Variants in ZPR1 observed in about 807,000 individuals in gnomAD.
ZPR1 encodes zinc finger protein ZPR1.
In ZPR1, 37 loss-of-function variants were observed where a neutral mutation model predicts 59.6. That is an observed-to-expected ratio of 0.62 (90% CI 0.48 to 0.82). ZPR1 has a LOEUF of 0.82. ZPR1 is among the 40% of genes least tolerant of loss of function. ZPR1 has a pLI of 0.00. For synonymous variants in ZPR1, 191 were observed against 215.2 expected, an observed-to-expected ratio of 0.89 and a Z score of 0.99; for missense variants, 527 against 579.9, an observed-to-expected ratio of 0.91 and a Z score of 0.94.
chr11:116,785,762 T>TAATC, intron 5 of ZPR1, 34 bp downstream of exon 5: 1 of 1,612,676 alleles, frequency 6.2e-7, no homozygotes. Context: ...CCTCCTCCCC[T>TAATC]AATCAAGGGC....
intron 13 of ZPR1, among the ~76,000 whole-genome samples, chr11:116,779,547 A>G (rs1385135686): frequency 6.6e-6 from 1 of 152,092 alleles, no homozygotes. Context: ...CAGAAAAAAA[A>G]GGGGCCTCAG....
chr11:116,784,510 C>A (rs1468330957), intron 8 of ZPR1, 62 bp from the exon 9 acceptor site: 1 of 1,470,556 alleles, frequency 6.8e-7, no homozygotes, highest in Non-Finnish European at 9.5e-7. Flanking sequence ...TGGGGAAAAA[C>A]AAAGCCAAAC....
At chr11:116,787,148 G>A in intron 2 of ZPR1, 89 bp from the exon 3 acceptor site, 2 of 1,188,168 alleles carry the variant, frequency 1.7e-6, no homozygotes, top group South Asian at 1.2e-5. Context: ...CCATCAGACC[G>A]CAGCCCAGCT....
At position 116,774,648 on chromosome 11, in the gene ZPR1, G is replaced by A. The variant is rs1239256047; in HGVS notation, c.*4277C>T. ...TTGAGGGGGTTGCAGCACAGGCCCA[G>A]AAAGGAAAGCAGGCTGGGGCTCTGA... On this transcript the variant is annotated 3_prime_UTR_variant, in exon 14 of 14. Transcript: ENST00000227322. 6.6e-6 allele frequency: 1 copy of A among 152,300 alleles called. No individual in the cohort carries two copies. The highest frequency in any genetic ancestry group is 1.5e-5 in the Non-Finnish European group (1 of 68,114). The allele number at this position is 152,300 out of a possible 1,614,324, so 9.4% of individuals were successfully genotyped here.
Position 116,785,805 on chromosome 11 carries a change from A to C in ZPR1, c.573T>G (p.Pro191=), listed in dbSNP as rs1940878056. 1 of 1,614,090 alleles carries C rather than the reference A, an allele frequency of 6.2e-7. No individual in the cohort carries two copies. The highest frequency in any genetic ancestry group is 8.5e-7 in the Non-Finnish European group (1 of 1,179,918). Residue 191 remains proline (P), a synonymous_variant, in exon 5 of 14, where the codon CCT becomes CCG. Coordinates refer to ENST00000227322, the MANE Select transcript of ZPR1 (RefSeq NM_003904.5). ...KLKELKQVAS[P]FTLIIDDPSG... Reference sequence around the variant, plus strand: ...GCCTCTCAATACTCACCAGAGTGAAAGGGGAGGCTACTTGCTTTAGCTCCT... The same window carrying C: ...GCCTCTCAATACTCACCAGAGTGAACGGGGAGGCTACTTGCTTTAGCTCCT...
chr11:116,782,092 A>AGCAT (rs1282321501), intron 12 of ZPR1, 66 bp downstream of exon 12: 31 of 1,211,692 alleles, frequency 2.6e-5, no homozygotes, highest in Middle Eastern at 1.9e-4. Context: ...GCAAGACATG[A>AGCAT]GCATGCAGCC....
chr11:116,779,004 G>C lies in ZPR1; in HGVS notation c.1301C>G (p.Thr434Ser). The change falls in exon 14 of 14, where the codon ACC becomes AGC. Residue 434 changes from threonine to serine, a missense_variant. Physicochemically the swap from Thr to Ser is moderately conservative, Grantham distance 58. Transcript: ENST00000227322. ...CCCTAGCTCCTCATTTTGGTCAAAG[G>C]TGCGCTTGTAACGCTCCACCTTCAT... ...PEMKVERYKR[T>S]FDQNEELGLN... 1 of 1,614,134 alleles carries C rather than the reference G, an allele frequency of 6.2e-7. No individual in the cohort carries two copies. Among genetic ancestry groups the C allele is most frequent in the South Asian group, 1.1e-5 (1 of 91,090 alleles).
At position 116,777,501 on chromosome 11, in the gene ZPR1, A is replaced by T. The variant is rs773212639; in HGVS notation, c.*1424T>A. On this transcript the variant is annotated 3_prime_UTR_variant, in exon 14 of 14. Transcript: ENST00000227322. ...CACGGTGAAACCCCGTCTCTACTAA[A>T]ATACAAAAGAAATTAGCTGGGTGTG... 1.3e-5 allele frequency: 2 copies of T among 152,206 alleles called. No homozygotes were observed. Among genetic ancestry groups the T allele is most frequent in the Non-Finnish European group, 2.9e-5 (2 of 68,076 alleles). 9.4% of individuals were successfully genotyped at this position (152,206 alleles called of 1,614,324 possible).
At position 116,775,184 on chromosome 11, in the gene ZPR1, G is replaced by C. The variant is rs943155365; in HGVS notation, c.*3741C>G. 1.3e-5 allele frequency: 2 copies of C among 152,350 alleles called. No individual in the cohort carries two copies. The highest frequency in any genetic ancestry group is 4.8e-5 in the African/African-American group (2 of 41,456). The allele number at this position is 152,350 out of a possible 1,614,324, so 9.4% of individuals were successfully genotyped here. A position where few individuals can be genotyped will look rare whatever the true frequency, so the allele number is the denominator to read the frequency against. ...CTCTTAGAAGCTCTACTTCTGGCCA[G>C]GCACGGTGGCTCACGCCTGTAATCC... On this transcript the variant is annotated 3_prime_UTR_variant, in exon 14 of 14. Coordinates refer to ENST00000227322, the MANE Select transcript of ZPR1 (RefSeq NM_003904.5).
rs973668399 is a variant in ZPR1 at position 116,778,565 on chromosome 11, G to A, written c.*360C>T. Reference sequence around the variant, plus strand: ...ACTCAAAACCAACAACAAACTCCAGGTGTAACTTTATTCCACCTTCTCCAA... The same window carrying A: ...ACTCAAAACCAACAACAAACTCCAGATGTAACTTTATTCCACCTTCTCCAA... On this transcript the variant is annotated 3_prime_UTR_variant, in exon 14 of 14. Transcript: ENST00000227322. 1.4e-5 allele frequency: 3 copies of A among 215,768 alleles called. No individual in the cohort carries two copies. Among genetic ancestry groups the A allele is most frequent in the Admixed American group, 5.3e-5 (1 of 19,036 alleles). 13.4% of individuals were successfully genotyped at this position (215,768 alleles called of 1,614,324 possible). A position where few individuals can be genotyped will look rare whatever the true frequency, so the allele number is the denominator to read the frequency against.
chr11:116,779,832 G>A lies in ZPR1; in HGVS notation c.1185C>T (p.Ile395=), dbSNP rs150041054. ...TAAAGTGGGCCTTCATGTTACCTTC[G>A]ATGATCTAAAGGAGAGAGAGAACAC... The part of the protein sequence containing the change: ...QEFSQKMDQI[I]EGNMKAHFIM... Residue 395 remains isoleucine, a synonymous_variant, in exon 13 of 14, where the codon ATC becomes ATT. Transcript: ENST00000227322. The A allele has an allele frequency of 7.6e-5, 114 of 1,508,500 alleles. No individual in the cohort carries two copies. Among genetic ancestry groups the A allele is most frequent in the Non-Finnish European group, 8.6e-5 (96 of 1,115,580 alleles). The allele number at this position is 1,508,500 out of a possible 1,614,324, so 93.4% of individuals were successfully genotyped here.
At chr11:116,786,690 TC>T in intron 3 of ZPR1, 109 bp from the exon 4 acceptor site, 1 of 971,888 alleles carries the variant, frequency 1.0e-6, no homozygotes, top group Non-Finnish European at 1.6e-6. Flanking sequence ...AATTTCCTCA[TC>T]TGTAAAATGA....
chr11:116,786,120 A>G (rs1940883923), intron 4 of ZPR1, among the ~76,000 whole-genome samples: 1 of 152,232 alleles, frequency 6.6e-6, no homozygotes, highest in Non-Finnish European at 1.5e-5. Flanking sequence ...ATGCCACGTT[A>G]GAGATATAAT....
rs755239134 is a variant in ZPR1 at position 116,778,983 on chromosome 11, A to G, written c.1322T>C (p.Leu441Pro). Residue 441 changes from leucine to proline, a missense_variant, in exon 14 of 14, where the codon CTA (leucine) becomes CCA (proline). Physicochemically the swap from Leu to Pro is moderately conservative, Grantham distance 98. Coordinates refer to ENST00000227322, the MANE Select transcript of ZPR1 (RefSeq NM_003904.5). Reference sequence around the variant, plus strand: ...CTCTGTCTTCATGTCATTGAGCCCTAGCTCCTCATTTTGGTCAAAGGTGCG... The same window carrying G: ...CTCTGTCTTCATGTCATTGAGCCCTGGCTCCTCATTTTGGTCAAAGGTGCG... ...YKRTFDQNEE[L>P]GLNDMKTEGY... 5 of 1,614,064 alleles carry G rather than the reference A, an allele frequency of 3.1e-6. No homozygotes were observed. Among genetic ancestry groups the G allele is most frequent in the Non-Finnish European group, 2.5e-6 (3 of 1,180,046 alleles).
Position 116,784,244 on chromosome 11 carries a change from C to A in ZPR1, c.891+134G>T. ...ATTCCTTCAAGGGCTCATCACCCTG[C>A]ACTAGACCTAAGAAAAAGACCCAAG... On this transcript the variant is annotated intron_variant, in intron 9 of 13. Coordinates refer to ENST00000227322, the MANE Select transcript of ZPR1 (RefSeq NM_003904.5). 7.4e-6 allele frequency: 6 copies of A among 811,416 alleles called. No individual in the cohort carries two copies. In the South Asian group the frequency reaches 7.6e-5, roughly 10 times the overall value. 50.3% of individuals were successfully genotyped at this position (811,416 alleles called of 1,614,324 possible). A position where few individuals can be genotyped will look rare whatever the true frequency, so the allele number is the denominator to read the frequency against.
At chr11:116,782,572 G>T (rs1940824083) in intron 11 of ZPR1, among the ~76,000 whole-genome samples, 5 of 152,186 alleles carry the variant, frequency 3.3e-5, no homozygotes, top group Admixed American at 2.0e-4. Context: ...ATTCATCAAG[G>T]AGATAAACAT....
intron 2 of ZPR1, 166 bp downstream of exon 2, chr11:116,787,316 T>C: frequency 1.3e-6 from 1 of 744,234 alleles, no homozygotes; most frequent in Non-Finnish European, 2.2e-6. Context: ...TCACAAATCT[T>C]ATCTCACTTG....
In ZPR1 at chr11:116,774,599, T is replaced by C. The variant is rs1940697539; in HGVS notation, c.*4326A>G. The C allele has an allele frequency of 6.6e-6, 1 of 152,202 alleles. No homozygotes were observed. The highest frequency in any genetic ancestry group is 1.5e-5 in the Non-Finnish European group (1 of 68,042). The allele number at this position is 152,202 out of a possible 1,614,324, so 9.4% of individuals were successfully genotyped here. A position where few individuals can be genotyped will look rare whatever the true frequency, so the allele number is the denominator to read the frequency against. The stretch of plus-strand genomic sequence containing the variant: ...AGGCTTGGGGATCAGTCTTGAAGCA[T>C]GAATTTTTACCCAGTGGGCCATGTT... On this transcript the variant is annotated 3_prime_UTR_variant, in exon 14 of 14. Coordinates refer to ENST00000227322, the MANE Select transcript of ZPR1 (RefSeq NM_003904.5).
At position 116,775,463 on chromosome 11, in the gene ZPR1, AAAAAAAAAAAAAAAATTAGCC is replaced by A. The variant is rs972117396; in HGVS notation, c.*3441_*3461del. On this transcript the variant is annotated 3_prime_UTR_variant, in exon 14 of 14. Coordinates refer to ENST00000227322, the MANE Select transcript of ZPR1 (RefSeq NM_003904.5). ...ACAGAGCAAGACTGTCTCCAAAAAA[AAAAAAAAAAAAAAAATTAGCC>A]AGGCATGGTGGCGTGCACCTGTAGT... 1.4e-5 allele frequency: 2 copies of A among 141,744 alleles called. No homozygotes were observed. The highest frequency in any genetic ancestry group is 7.3e-5 in the Admixed American group (1 of 13,610). The allele number at this position is 141,744 out of a possible 1,614,324, so 8.8% of individuals were successfully genotyped here.
Sources: allele counts gnomAD v4.1 joint callset (sites outside exome capture counted in the v4.1 genomes callset), GRCh38; gene constraint gnomAD v4.1.1; transcripts MANE v1.5; gene names NCBI Gene and HGNC (gene_info 2026-07-23, HGNC 2026-07-21).